STOX2: variants seen among roughly 807,000 people sequenced by gnomAD.
STOX2 encodes the protein storkhead box 2, also known as storkhead-box protein 2.
STOX2 carries 28 observed loss-of-function variants against 60.9 expected under a neutral mutation model. That is an observed-to-expected ratio of 0.46 (90% CI 0.34 to 0.63). The LOEUF is 0.63. Among genes scored for constraint, STOX2 ranks in the 30% least tolerant of loss-of-function variants. The probability of loss-of-function intolerance (pLI) is 0.01; values close to 1 mark genes in which losing one functional copy is unlikely to be tolerated. For missense variants in STOX2, 1,024 were observed against 1,187.7 expected (o/e 0.86, Z 2.03); for synonymous variants, 472 against 463.9 (o/e 1.02, Z -0.22).
In STOX2 at chr4:184,011,532, G is replaced by T. The variant is rs1172921902; in HGVS notation, c.2585+109G>T. 1.3e-6 allele frequency: 2 copies of T among 1,568,952 alleles called. No individual in the cohort carries two copies. The highest frequency in any genetic ancestry group is 1.7e-6 in the Non-Finnish European group (2 of 1,157,872). ...CGTAGTCTCAGTTCTATGGATGAGGGTTAAGAGTTGTATGAGTTGTATTGT... is the reference window on the plus strand; with the variant it reads ...CGTAGTCTCAGTTCTATGGATGAGGTTTAAGAGTTGTATGAGTTGTATTGT... On this transcript the variant is annotated intron_variant, in intron 3 of 3. Coordinates refer to ENST00000308497, the MANE Select transcript of STOX2 (RefSeq NM_020225.3). The surrounding 1 kb of genome is among the most constrained non-coding windows in gnomAD (Gnocchi z 4.4).
Position 184,011,357 on chromosome 4 carries a change from A to T in STOX2, c.2519A>T (p.His840Leu). The stretch of plus-strand genomic sequence containing the variant: ...AGCAGCAGCAACCAGAGAGCCACCC[A>T]TTCAGCCCGGCTCGACAGCATGGAC... ...TDSSSNQRATHSARLDSMDSS... is the reference protein window; with the variant it reads ...TDSSSNQRATLSARLDSMDSS... The change falls in exon 3 of 4, where the codon CAT (histidine) becomes CTT (leucine). Residue 840 changes from histidine to leucine, a missense_variant. This residue lies in a region of STOX2 where 922 missense variants were observed against 1,058.3 expected (regional missense o/e 0.87). Transcript: ENST00000308497. The surrounding 1 kb of genome is among the most constrained non-coding windows in gnomAD (Gnocchi z 4.4). 6.2e-7 allele frequency: 1 copy of T among 1,613,988 alleles called. No individual in the cohort carries two copies. The highest frequency in any genetic ancestry group is 1.1e-5 in the South Asian group (1 of 91,080).
At chr4:183,970,524 C>T (rs1743712987) in intron 1 of STOX2, among the ~76,000 whole-genome samples, 2 of 152,274 alleles carry the variant, frequency 1.3e-5, no homozygotes, top group Middle Eastern at 3.4e-3. Context: ...CTGCCCCCGA[C>T]CGGACCCTTG....
chr4:183,994,812 A>T (rs1480763596), intron 1 of STOX2, among the ~76,000 whole-genome samples: 5 of 152,226 alleles, frequency 3.3e-5, no homozygotes, highest in Non-Finnish European at 1.5e-5. Context: ...GTTTTGGTAC[A>T]AGAATTTCAT....
chr4:183,932,028 ATGG>A (rs1227517883), intron 1 of STOX2, among the ~76,000 whole-genome samples: 1 of 152,012 alleles, frequency 6.6e-6, no homozygotes, highest in African/African-American at 2.4e-5. Flanking sequence ...GCAGGTGATG[ATGG>A]TGGAGAGGCT....
At chr4:183,946,788 G>T (rs1742906102) in intron 1 of STOX2, among the ~76,000 whole-genome samples, 1 of 151,996 alleles carries the variant, frequency 6.6e-6, no homozygotes, top group Non-Finnish European at 1.5e-5. Context: ...ACCACATCCA[G>T]CTAATTTTTG....
chr4:183,960,748 G>A (rs574916146), intron 1 of STOX2, among the ~76,000 whole-genome samples: 81 of 152,228 alleles, frequency 5.3e-4, no homozygotes, highest in African/African-American at 1.9e-3. Flanking sequence ...TTGGTCAGGA[G>A]GTTTAGTTCA....
At chr4:183,960,167 C>G (rs2309948) in intron 1 of STOX2, 50,597 of 151,978 alleles carry the variant, frequency 0.33, 8,646 homozygotes, top group Non-Finnish European at 0.35. Context: ...ATTGGGAGAG[C>G]GCTTTGAAAC....
rs532387467 is a variant in STOX2, at chr4:184,004,664, A to G, written c.319+3187A>G. Among the ~76,000 whole-genome samples the G allele has an allele frequency of 2.6e-4, 40 of 152,374 alleles. 2 individuals carry two copies. The South Asian group carries it at 8.3e-3, about 32-fold the overall frequency. ...TTAAACCTTTTTATCACTTTTCTAT[A>G]AAAGTGAGAAAAACAAGTTGGCTGA... is the stretch of plus-strand genomic sequence containing the variant. On this transcript the variant is annotated intron_variant, in intron 2 of 3. Coordinates refer to ENST00000308497, the MANE Select transcript of STOX2 (RefSeq NM_020225.3).
intron 1 of STOX2, among the ~76,000 whole-genome samples, chr4:183,800,355 C>T (rs1487898741): frequency 6.6e-6 from 1 of 152,148 alleles, no homozygotes; most frequent in Non-Finnish European, 1.5e-5. Flanking sequence ...CTGGCTGAAA[C>T]TCTGCTCTGA....
intron 1 of STOX2, among the ~76,000 whole-genome samples, chr4:183,947,288 G>C (rs939728452): frequency 1.3e-5 from 2 of 152,080 alleles, no homozygotes; most frequent in African/African-American, 4.8e-5. Flanking sequence ...CGTTAGTTTT[G>C]ATTATTTTTT....
intron 1 of STOX2, among the ~76,000 whole-genome samples, chr4:183,974,964 T>C (rs1732395038): frequency 6.6e-6 from 1 of 152,096 alleles, no homozygotes; most frequent in Admixed American, 6.5e-5. Context: ...AACCTAAAAA[T>C]GATTAAAAGA....
In STOX2 at chr4:183,929,738, G is replaced by A. The variant is rs115922869; in HGVS notation, c.166+22782G>A. Among the ~76,000 whole-genome samples the A allele has an allele frequency of 7.3e-3, 1,111 of 152,264 alleles. 15 individuals are homozygous for A. Among genetic ancestry groups the A allele is most frequent in the African/African-American group, 0.025 (1,056 of 41,558 alleles). ...TTGTATGCTGAAGGGCCACAGCATC[G>A]ACAAGCTCCCGGTTAAACGTATTTC... On this transcript the variant is annotated intron_variant, in intron 1 of 3. Coordinates refer to ENST00000308497, the MANE Select transcript of STOX2 (RefSeq NM_020225.3).
upstream of STOX2, among the ~76,000 whole-genome samples, chr4:183,903,887 A>C (rs199815529): frequency 6.6e-6 from 1 of 152,348 alleles, no homozygotes; most frequent in East Asian, 1.9e-4. Flanking sequence ...GGATGATTTG[A>C]GTGCATTACA....
At chr4:183,820,110 A>G (rs1739272217) in intron 1 of STOX2, among the ~76,000 whole-genome samples, 1 of 152,098 alleles carries the variant, frequency 6.6e-6, no homozygotes, top group African/African-American at 2.4e-5. Flanking sequence ...TTTTTTTAAG[A>G]GATGGGGTTT....
chr4:183,868,283 C>T lies in STOX2; in HGVS notation c.364+70228C>T, dbSNP rs116395238. On this transcript the variant is annotated intron_variant, in intron 1 of 2. Coordinates refer to the STOX2 transcript ENST00000513034. ...CATTTCTTTACATTGTTTCTAGGGCCAGCACTGTGGCTCACACCTGTAACC... is the reference window on the plus strand; with the variant it reads ...CATTTCTTTACATTGTTTCTAGGGCTAGCACTGTGGCTCACACCTGTAACC... 8.3e-3 allele frequency among the ~76,000 whole-genome samples: 1,257 copies of T among 152,174 alleles called. 14 individuals carry two copies. The highest frequency in any genetic ancestry group is 0.029 in the African/African-American group (1,214 of 41,510).
At chr4:183,975,520 A>G (rs959373786) in intron 1 of STOX2, among the ~76,000 whole-genome samples, 1 of 152,176 alleles carries the variant, frequency 6.6e-6, no homozygotes, top group Non-Finnish European at 1.5e-5. Context: ...ACAAAAATAT[A>G]ATAAGCAAAC....
chr4:183,960,456 CTT>C (rs892985163), intron 1 of STOX2, among the ~76,000 whole-genome samples: 3 of 152,112 alleles, frequency 2.0e-5, no homozygotes, highest in Non-Finnish European at 2.9e-5. Context: ...TTATAGATAA[CTT>C]AACACGTGTG....
chr4:183,955,143 TG>T (rs1298625712), intron 1 of STOX2, among the ~76,000 whole-genome samples: 14 of 152,238 alleles, frequency 9.2e-5, no homozygotes, highest in African/African-American at 3.4e-4. Context: ...TTTCTCTTCC[TG>T]GTAGCCTAAG....
chr4:183,835,533 G>T (rs538703460), intron 1 of STOX2, among the ~76,000 whole-genome samples: 1 of 152,188 alleles, frequency 6.6e-6, no homozygotes, highest in South Asian at 2.1e-4. Context: ...CAAACCAATA[G>T]ATTTTTAATT....
Sources: allele counts gnomAD v4.1 joint callset (sites outside exome capture counted in the v4.1 genomes callset), GRCh38; gene constraint gnomAD v4.1.1; regional missense constraint gnomAD v4.1.1; non-coding constraint Gnocchi (gnomAD v3.1); transcripts MANE v1.5; gene names NCBI Gene and HGNC (gene_info 2026-07-23, HGNC 2026-07-21).